The following ZNF804B variants were observed in gnomAD, a reference collection of about 807,000 sequenced individuals.
ZNF804B encodes zinc finger protein 804B, also known as zinc finger 804B.
In ZNF804B, 80 loss-of-function variants were observed where a neutral mutation model predicts 101.4. That is an observed-to-expected ratio of 0.79 (90% confidence interval 0.66 to 0.95). The LOEUF is 0.95. Among genes scored for constraint, ZNF804B ranks in the 40% least tolerant of loss-of-function variants. The pLI is 0.00. For synonymous variants in ZNF804B, 622 were observed against 558.8 expected, an observed-to-expected ratio of 1.11 and a Z score of -1.59; for missense variants, 1,673 against 1,561.9, an observed-to-expected ratio of 1.07 and a Z score of -1.20.
chr7:89,265,058 A>G (rs1789765035), intron 2 of ZNF804B, among the ~76,000 whole-genome samples: 1 of 152,206 alleles, frequency 6.6e-6, no homozygotes, highest in African/African-American at 2.4e-5. Context: ...AATGATAAAT[A>G]GTTTTTATCT....
At chr7:89,225,683 A>C (rs1276765187) in intron 2 of ZNF804B, among the ~76,000 whole-genome samples, 1 of 152,164 alleles carries the variant, frequency 6.6e-6, no homozygotes, top group Non-Finnish European at 1.5e-5. Flanking sequence ...ATCTCAAGTT[A>C]TTTATGATTA....
intron 1 of ZNF804B, among the ~76,000 whole-genome samples, chr7:88,856,465 A>G (rs577381015): frequency 6.6e-6 from 1 of 152,282 alleles, no homozygotes; most frequent in South Asian, 2.1e-4. Context: ...TTGTATCCTG[A>G]GACTTTGCTG....
intron 2 of ZNF804B, among the ~76,000 whole-genome samples, chr7:89,221,170 A>G (rs1011166790): frequency 1.3e-5 from 2 of 152,000 alleles, no homozygotes; most frequent in African/African-American, 2.4e-5. Context: ...GTAGACATCA[A>G]TGATCATTTG....
chr7:88,873,777 C>G (rs181684965), intron 1 of ZNF804B, among the ~76,000 whole-genome samples: 4 of 152,176 alleles, frequency 2.6e-5, no homozygotes, highest in Admixed American at 2.6e-4. Flanking sequence ...ATCAGATAGT[C>G]ATAGATATGC....
At chr7:89,156,405 G>A (rs973767528) in intron 1 of ZNF804B, among the ~76,000 whole-genome samples, 15 of 152,096 alleles carry the variant, frequency 9.9e-5, no homozygotes, top group African/African-American at 3.6e-4. Context: ...CTGAGCCACT[G>A]CACCTGGCCG....
intron 2 of ZNF804B, among the ~76,000 whole-genome samples, chr7:89,265,207 C>A (rs1303186988): frequency 6.6e-6 from 1 of 152,038 alleles, no homozygotes; most frequent in East Asian, 1.9e-4. Context: ...AAAAGTGAAG[C>A]ATCTAGCTCT....
intron 1 of ZNF804B, among the ~76,000 whole-genome samples, chr7:88,829,452 G>A (rs969047477): frequency 7.2e-5 from 11 of 152,048 alleles, no homozygotes; most frequent in African/African-American, 2.7e-4. Context: ...AAAGAAGACA[G>A]TTGAAGGAGC....
chr7:88,876,931 C>T (rs964723733), intron 1 of ZNF804B, among the ~76,000 whole-genome samples: 2 of 133,928 alleles, frequency 1.5e-5, no homozygotes, highest in Non-Finnish European at 3.1e-5. Flanking sequence ...TAAAGACAAA[C>T]ATCACAATGA....
intron 1 of ZNF804B, among the ~76,000 whole-genome samples, chr7:89,112,019 T>C (rs1790224800): frequency 6.7e-6 from 1 of 149,386 alleles, no homozygotes; most frequent in South Asian, 2.1e-4. Flanking sequence ...GGCCGGAGAA[T>C]CGCTTGAACC....
chr7:88,769,554 TG>T (rs1790032524), intron 1 of ZNF804B, among the ~76,000 whole-genome samples: 1 of 152,232 alleles, frequency 6.6e-6, no homozygotes, highest in African/African-American at 2.4e-5. Flanking sequence ...ATTTTTTCAT[TG>T]GTGGCATATT....
At chr7:88,874,656 A>G (rs372779495) in intron 1 of ZNF804B, among the ~76,000 whole-genome samples, 10 of 152,052 alleles carry the variant, frequency 6.6e-5, no homozygotes, top group Admixed American at 4.6e-4. Context: ...TCAATACCTA[A>G]TTTATTGAGA....
At chr7:88,876,927 C>T (rs540149051) in intron 1 of ZNF804B, among the ~76,000 whole-genome samples, 5 of 133,562 alleles carry the variant, frequency 3.7e-5, no homozygotes, top group Non-Finnish European at 6.2e-5. Flanking sequence ...GTAATAAAGA[C>T]AAACATCACA....
At chr7:89,268,509 G>C (rs2115831572) in intron 2 of ZNF804B, among the ~76,000 whole-genome samples, 1 of 151,564 alleles carries the variant, frequency 6.6e-6, no homozygotes, top group Non-Finnish European at 1.5e-5. Flanking sequence ...CTTTTTAACA[G>C]TCTGCAGTCT....
intron 1 of ZNF804B, among the ~76,000 whole-genome samples, chr7:89,041,544 A>ACTTGGTCTTTAAGGACTGGC (rs1789017472): frequency 6.6e-6 from 1 of 152,022 alleles, no homozygotes; most frequent in African/African-American, 2.4e-5. Context: ...GAGTCTGGAG[A>ACTTGGTCTTTAAGGACTGGC]CTTGGTCTTT....
At chr7:88,836,722 C>G (rs1791219896) in intron 1 of ZNF804B, among the ~76,000 whole-genome samples, 1 of 151,868 alleles carries the variant, frequency 6.6e-6, no homozygotes, top group African/African-American at 2.4e-5. Flanking sequence ...ATCTCTCTCT[C>G]TCTCTATGCA....
chr7:88,849,641 A>T (rs1172456221), intron 1 of ZNF804B, among the ~76,000 whole-genome samples: 1 of 151,698 alleles, frequency 6.6e-6, no homozygotes, highest in Non-Finnish European at 1.5e-5. Flanking sequence ...CTGAGATCAC[A>T]GGTGCCCGCC....
At chr7:88,772,380 T>A (rs575778035) in intron 1 of ZNF804B, among the ~76,000 whole-genome samples, 66 of 152,306 alleles carry the variant, frequency 4.3e-4, no homozygotes, top group African/African-American at 1.5e-3. Context: ...TTTAAATCTC[T>A]ATGATCATCA....
chr7:89,260,676 G>C (rs980965943), intron 2 of ZNF804B, among the ~76,000 whole-genome samples: 5 of 151,988 alleles, frequency 3.3e-5, no homozygotes, highest in Non-Finnish European at 5.9e-5. Flanking sequence ...TCAGTAAACG[G>C]TAAAACAAGT....
rs67535390 is a variant in ZNF804B at position 89,212,252 on chromosome 7, TACACACACACAC to T, written c.109-5877_109-5866del. On this transcript the variant is annotated intron_variant, in intron 1 of 3. Transcript: ENST00000333190. ...TTATAGTGTCACATGCATTCAGTGA[TACACACACACAC>T]ACACACACACACACACACACACACA... Among the ~76,000 whole-genome samples the T allele has an allele frequency of 5.4e-4, 47 of 87,176 alleles. 1 individual carries two copies. In the East Asian group the frequency reaches 8.9e-3, roughly 17 times the overall value. 57.2% of individuals were successfully genotyped at this position (87,176 alleles called of 152,430 possible). A position where few individuals can be genotyped will look rare whatever the true frequency, so the allele number is the denominator to read the frequency against.
Sources: gnomAD v4.1 joint callset for allele counts (sites outside exome capture counted in the v4.1 genomes callset) on GRCh38, gnomAD v4.1.1 for gene constraint, MANE v1.5 for transcripts, NCBI Gene and HGNC (gene_info 2026-07-23, HGNC 2026-07-21) for gene names.